Variants in TBC1D10A observed in about 807,000 individuals in gnomAD.
The protein encoded by TBC1D10A is TBC1 domain family member 10A.
In TBC1D10A, 24 loss-of-function variants were observed where a neutral mutation model predicts 52.9. The ratio of observed to expected loss-of-function variants is 0.45; its 90% CI spans 0.33 to 0.64. The LOEUF is 0.64. Ranked by LOEUF, TBC1D10A falls within the 30% of genes least tolerant of loss-of-function variation. TBC1D10A has a pLI of 0.02. For synonymous variants in TBC1D10A, 278 were observed against 282.9 expected (o/e 0.98, Z 0.17); for missense variants, 602 against 687.9 (o/e 0.88, Z 1.40).
intron 2 of TBC1D10A, among the ~76,000 whole-genome samples, chr22:30,300,309 C>T (rs1275234566): frequency 6.6e-6 from 1 of 151,288 alleles, no homozygotes; most frequent in Non-Finnish European, 1.5e-5. Context: ...ATTAGCCAGG[C>T]ATGGTGGTGG....
At chr22:30,306,229 G>A (rs1930307481) in intron 1 of TBC1D10A, among the ~76,000 whole-genome samples, 1 of 152,172 alleles carries the variant, frequency 6.6e-6, no homozygotes, top group Admixed American at 6.5e-5. Context: ...GTAGATAATG[G>A]CTAATCCAAT....
intron 1 of TBC1D10A, among the ~76,000 whole-genome samples, chr22:30,313,708 G>A (rs1930477551): frequency 6.6e-6 from 1 of 151,588 alleles, no homozygotes; most frequent in Non-Finnish European, 1.5e-5. Context: ...GCCAACAAAT[G>A]TGTGTGTTGA....
chr22:30,326,853 G>C lies in TBC1D10A; in HGVS notation c.29C>G (p.Pro10Arg). The C allele has an allele frequency of 1.3e-6, 2 of 1,492,336 alleles. No homozygotes were observed. Among genetic ancestry groups the C allele is most frequent in the Non-Finnish European group, 1.8e-6 (2 of 1,129,300 alleles). 92.4% of individuals were successfully genotyped at this position (1,492,336 alleles called of 1,614,324 possible). MAKSNGENG[P>R]RAPAAGESLS... ...GCTTTCCCCGGCCGCGGGCGCGCGC[G>C]GCCCATTCTCTCCGTTGCTCTTCGC... Residue 10 changes from proline to arginine, a missense_variant, in exon 1 of 9, where the codon CCG (proline) becomes CGG (arginine). This residue lies in a region of TBC1D10A where 201 missense variants were observed against 204.4 expected (regional missense o/e 0.98). Transcript: ENST00000215790.
chr22:30,303,711 A>G (rs1930253365), intron 2 of TBC1D10A, among the ~76,000 whole-genome samples: 1 of 152,224 alleles, frequency 6.6e-6, no homozygotes, highest in Admixed American at 6.5e-5. Flanking sequence ...CATTCTGTGC[A>G]TTAGGAACTT....
At position 30,294,925 on chromosome 22, in the gene TBC1D10A, C is replaced by T. The variant is rs752454401; in HGVS notation, c.639+16G>A. The T allele has an allele frequency of 1.9e-5, 30 of 1,613,872 alleles. No homozygotes were observed. The highest frequency in any genetic ancestry group is 8.8e-5 in the South Asian group (8 of 91,096). ...TTCCCCACCCACCCCCCTGCCTGCC[C>T]GGGGCCTGGTGGTACCTCAGCAGGC... On this transcript the variant is annotated intron_variant, in intron 5 of 8. Coordinates refer to ENST00000215790, the MANE Select transcript of TBC1D10A (RefSeq NM_031937.3).
intron 8 of TBC1D10A, 175 bp downstream of exon 8, chr22:30,293,476 G>GC: frequency 2.0e-6 from 2 of 982,054 alleles, no homozygotes; most frequent in Non-Finnish European, 3.1e-6. Flanking sequence ...GCCTCTCTGT[G>GC]CCCCATGCTC....
intron 1 of TBC1D10A, among the ~76,000 whole-genome samples, chr22:30,320,923 G>T (rs1013641048): frequency 1.3e-5 from 2 of 152,226 alleles, no homozygotes; most frequent in African/African-American, 4.8e-5. Context: ...TGTGTGAGGA[G>T]GGAGCACACA....
chr22:30,303,284 AATAGTTAG>A (rs1418925834), intron 2 of TBC1D10A, among the ~76,000 whole-genome samples: 1 of 145,430 alleles, frequency 6.9e-6, no homozygotes, highest in African/African-American at 2.6e-5. Context: ...GTCTCAAATA[AATAGTTAG>A]ATAGATAGAT....
intron 1 of TBC1D10A, among the ~76,000 whole-genome samples, chr22:30,324,523 G>T (rs1017244574): frequency 6.6e-6 from 1 of 152,158 alleles, no homozygotes; most frequent in Admixed American, 6.5e-5. Context: ...TGTGGTTGTG[G>T]GGTAAGAAAG....
chr22:30,308,330 G>GCCTGCCTA (rs1240896206), intron 1 of TBC1D10A, among the ~76,000 whole-genome samples: 1 of 149,202 alleles, frequency 6.7e-6, no homozygotes, highest in East Asian at 1.9e-4. Flanking sequence ...CTGCATGCCT[G>GCCTGCCTA]CATGCCTGCC....
chr22:30,316,023 T>C (rs1930529343), intron 1 of TBC1D10A, among the ~76,000 whole-genome samples: 1 of 152,148 alleles, frequency 6.6e-6, no homozygotes, highest in Non-Finnish European at 1.5e-5. Context: ...GGTTTCCTTA[T>C]CAGGAAACAG....
intron 1 of TBC1D10A, among the ~76,000 whole-genome samples, chr22:30,322,956 A>C (rs1930689170): frequency 6.7e-6 from 1 of 148,414 alleles, no homozygotes; most frequent in African/African-American, 2.5e-5. Context: ...GGTGGAGCAC[A>C]GTGGCACCAT....
Position 30,292,307 on chromosome 22 carries a change from G to T in TBC1D10A, c.*68C>A. ...TTGGCCCTCAGAGGGTGGGCAGGAT[G>T]TGGAATGTCAGTTCATGAACCGTGT... is the stretch of plus-strand genomic sequence containing the variant. On this transcript the variant is annotated 3_prime_UTR_variant, in exon 9 of 9. Coordinates refer to ENST00000215790, the MANE Select transcript of TBC1D10A (RefSeq NM_031937.3). The T allele has an allele frequency of 7.2e-7, 1 of 1,394,020 alleles. No individual in the cohort carries two copies. Among genetic ancestry groups the T allele is most frequent in the Non-Finnish European group, 9.6e-7 (1 of 1,036,826 alleles). 86.4% of individuals were successfully genotyped at this position (1,394,020 alleles called of 1,614,324 possible).
chr22:30,306,242 C>T (rs1336234320), intron 1 of TBC1D10A, among the ~76,000 whole-genome samples: 1 of 152,178 alleles, frequency 6.6e-6, no homozygotes, highest in Non-Finnish European at 1.5e-5. Context: ...AATCCAATAT[C>T]CCCACTGCAC....
chr22:30,305,013 G>A (rs1930282449), intron 1 of TBC1D10A, among the ~76,000 whole-genome samples: 1 of 152,204 alleles, frequency 6.6e-6, no homozygotes, highest in African/African-American at 2.4e-5. Context: ...GTGCAGAGTT[G>A]AACACAAAAA....
At chr22:30,326,640 G>A (rs760435619) in intron 1 of TBC1D10A, 33 bp downstream of exon 1, 5 of 1,555,438 alleles carry the variant, frequency 3.2e-6, no homozygotes, top group South Asian at 1.1e-5. Context: ...CGCGTGGGTG[G>A]CGCGCTCAGT....
intron 4 of TBC1D10A, among the ~76,000 whole-genome samples, chr22:30,295,430 A>ATC (rs1403472089): frequency 6.6e-6 from 1 of 151,986 alleles, no homozygotes; most frequent in Non-Finnish European, 1.5e-5. Flanking sequence ...TGCCTGCCCT[A>ATC]TCTCTCCCCT....
chr22:30,300,734 G>A (rs537903734), intron 2 of TBC1D10A: 3 of 152,318 alleles, frequency 2.0e-5, no homozygotes, highest in Admixed American at 6.5e-5. Context: ...CTTTGTTTTG[G>A]TCAAGAATCC....
chr22:30,304,448 C>T, intron 2 of TBC1D10A, 83 bp downstream of exon 2: 1 of 1,591,162 alleles, frequency 6.3e-7, no homozygotes, highest in Non-Finnish European at 8.6e-7. Flanking sequence ...CTCTGCTTTC[C>T]TAAGCTGATG....
Sources: gnomAD v4.1 joint callset for allele counts (sites outside exome capture counted in the v4.1 genomes callset) on GRCh38, gnomAD v4.1.1 for gene constraint, gnomAD v4.1.1 regional missense constraint, MANE v1.5 for transcripts, NCBI Gene and HGNC (gene_info 2026-07-23, HGNC 2026-07-21) for gene names.